Variants in LIN28B observed in about 807,000 individuals in gnomAD.
The protein encoded by LIN28B is lin-28 RNA binding posttranscriptional regulator B.
In LIN28B, 5 loss-of-function variants were observed where a neutral mutation model predicts 21.9. That is an observed-to-expected ratio of 0.23 (90% CI 0.12 to 0.48). The LOEUF (loss-of-function observed/expected upper bound fraction) is 0.48, where lower values mean the gene tolerates loss of function less well. Among genes scored for constraint, LIN28B ranks in the 20% least tolerant of loss-of-function variants. LIN28B has a pLI of 0.98. For synonymous variants in LIN28B, 109 were observed against 111.3 expected (o/e 0.98, Z 0.13); for missense variants, 245 against 310.5 (o/e 0.79, Z 1.58).
rs572314132 is a variant in LIN28B at position 104,943,361 on chromosome 6, AAAT to A, written c.18+6248_18+6250del. ...TTTACAAATCATGATTAAAGGAAGA[AAAT>A]AAGTTATTAAATAAAACATGTATGA... On this transcript the variant is annotated intron_variant, in intron 2 of 5. Transcript: ENST00000635857. Among the ~76,000 whole-genome samples the A allele has an allele frequency of 2.0e-5, 3 of 152,310 alleles. No homozygotes were observed. In the South Asian group the frequency reaches 6.2e-4, roughly 32 times the overall value.
Position 105,020,413 on chromosome 6 carries a change from A to G in LIN28B, c.199-5885A>G, listed in dbSNP as rs546471259. Among the ~76,000 whole-genome samples, 8 of 151,814 alleles carry G rather than the reference A, an allele frequency of 5.3e-5. No individual in the cohort carries two copies. In the East Asian group the frequency reaches 1.6e-3, roughly 29 times the overall value. On this transcript the variant is annotated intron_variant, in intron 2 of 3. Coordinates refer to ENST00000345080, the MANE Select transcript of LIN28B (RefSeq NM_001004317.4). ...TATAGAAAACAGCATGAAGTGCAGT[A>G]TTGAGACCTCAGCTCACTGCAGCCT...
At chr6:105,012,167 A>AG (rs1770936481) in intron 2 of LIN28B, among the ~76,000 whole-genome samples, 1 of 151,374 alleles carries the variant, frequency 6.6e-6, no homozygotes. Context: ...CAAACAAAAA[A>AG]TAAAATAAAC....
At chr6:104,957,424 A>G (rs1778306827) in intron 1 of LIN28B, among the ~76,000 whole-genome samples, 164 bp downstream of exon 1, 2 of 141,912 alleles carry the variant, frequency 1.4e-5, no homozygotes, top group Admixed American at 7.7e-5. Flanking sequence ...CTGCAAACCT[A>G]TTGTTATAGA....
chr6:104,957,062 C>CG, upstream of LIN28B: 1 of 1,454,646 alleles, frequency 6.9e-7, no homozygotes, highest in Non-Finnish European at 9.0e-7. Context: ...GACAAAGTCA[C>CG]GTGTGCTCAG....
intron 2 of LIN28B, among the ~76,000 whole-genome samples, chr6:104,944,404 A>G (rs1314732056): frequency 1.3e-5 from 2 of 152,186 alleles, no homozygotes; most frequent in Non-Finnish European, 2.9e-5. Flanking sequence ...TATGAACTTG[A>G]TATTTGCAAT....
At chr6:105,042,271 A>C (rs1308450848) in intron 3 of LIN28B, among the ~76,000 whole-genome samples, 1 of 152,214 alleles carries the variant, frequency 6.6e-6, no homozygotes. Context: ...ACTGGATTAC[A>C]GAGTAGCCAG....
chr6:104,974,672 CTT>C (rs955507895), intron 2 of LIN28B, among the ~76,000 whole-genome samples: 1 of 151,774 alleles, frequency 6.6e-6, no homozygotes, highest in Non-Finnish European at 1.5e-5. Context: ...ATTTAAGTCT[CTT>C]ATACTTGTTG....
At chr6:105,028,672 A>G (rs2114344946) in intron 3 of LIN28B, among the ~76,000 whole-genome samples, 1 of 152,364 alleles carries the variant, frequency 6.6e-6, no homozygotes, top group Middle Eastern at 3.4e-3. Flanking sequence ...CCTGAAATCA[A>G]AAGTATAGTT....
chr6:105,026,802 A>G (rs542742281), intron 3 of LIN28B, among the ~76,000 whole-genome samples: 1 of 152,004 alleles, frequency 6.6e-6, no homozygotes, highest in Non-Finnish European at 1.5e-5. Context: ...CAAACACCTC[A>G]CCTCTTTTTT....
chr6:105,000,030 C>G (rs1206401393), intron 2 of LIN28B, among the ~76,000 whole-genome samples: 1 of 152,084 alleles, frequency 6.6e-6, no homozygotes, highest in Non-Finnish European at 1.5e-5. Context: ...AAGGGGAAAG[C>G]TGAGCACATT....
At chr6:105,014,851 GT>G (rs1412033629) in intron 2 of LIN28B, among the ~76,000 whole-genome samples, 3 of 150,616 alleles carry the variant, frequency 2.0e-5, no homozygotes, top group Non-Finnish European at 4.4e-5. Context: ...TTGATATGTT[GT>G]TTTTTATTAT....
At chr6:104,975,238 T>G (rs1456170707) in intron 2 of LIN28B, among the ~76,000 whole-genome samples, 1 of 151,632 alleles carries the variant, frequency 6.6e-6, no homozygotes, top group African/African-American at 2.4e-5. Context: ...GAGTAATATC[T>G]TATCTTTGAT....
chr6:104,950,848 GT>G (rs1778213105), intron 3 of LIN28B, among the ~76,000 whole-genome samples: 1 of 152,056 alleles, frequency 6.6e-6, no homozygotes, highest in South Asian at 2.1e-4. Context: ...AGTATTCATG[GT>G]TTGTTCATTT....
At chr6:105,058,095 G>A (rs768832071) in intron 3 of LIN28B, 2 of 407,238 alleles carry the variant, frequency 4.9e-6, no homozygotes, top group African/African-American at 2.1e-5. Context: ...CTGGCTTGAC[G>A]GTGCATTTTC....
intron 2 of LIN28B, among the ~76,000 whole-genome samples, chr6:105,006,468 C>T (rs767275302): frequency 1.3e-5 from 2 of 152,110 alleles, no homozygotes; most frequent in African/African-American, 4.8e-5. Context: ...CCCGCCACCA[C>T]GCCAGGCCAA....
At chr6:105,040,173 A>G (rs547059849) in intron 3 of LIN28B, among the ~76,000 whole-genome samples, 7 of 152,268 alleles carry the variant, frequency 4.6e-5, no homozygotes, top group Non-Finnish European at 4.4e-5. Flanking sequence ...AGTGAGTTAC[A>G]TCTATAGATT....
At chr6:105,023,550 A>ATT (rs1181579446) in intron 2 of LIN28B, among the ~76,000 whole-genome samples, 14 of 32 alleles carry the variant, frequency 0.44, 6 homozygotes, top group African/African-American at 0.54. Flanking sequence ...TATAATATAT[A>ATT]ACCTATATAT....
chr6:104,984,307 C>CA (rs1475998782), intron 2 of LIN28B, among the ~76,000 whole-genome samples: 1 of 152,182 alleles, frequency 6.6e-6, no homozygotes, highest in Non-Finnish European at 1.5e-5. Flanking sequence ...AAACAGCACA[C>CA]AATGTATAAA....
Position 104,958,100 on chromosome 6 carries a change from C to T in LIN28B, c.12C>T (p.Gly4=). The T allele has an allele frequency of 6.4e-7, 1 of 1,563,362 alleles. No individual in the cohort carries two copies. The highest frequency in any genetic ancestry group is 1.7e-5 in the Admixed American group (1 of 58,772). MAE[G]GASKGGGEEP... The stretch of plus-strand genomic sequence containing the variant: ...CTTTTTTGTCCTGTTCCTTCTCAGG[C>T]GGGGCTAGCAAAGGTGGTGGAGAAG... The change falls in exon 2 of 4, where the codon GGC becomes GGT. Residue 4 remains glycine, a splice_region_variant and synonymous_variant. Coordinates refer to ENST00000345080, the MANE Select transcript of LIN28B (RefSeq NM_001004317.4).
Sources: allele counts gnomAD v4.1 joint callset (sites outside exome capture counted in the v4.1 genomes callset), GRCh38; gene constraint gnomAD v4.1.1; transcripts MANE v1.5; gene names NCBI Gene and HGNC (gene_info 2026-07-23, HGNC 2026-07-21).